Variants in SPINK5 observed in about 807,000 individuals in gnomAD.
The protein encoded by SPINK5 is serine protease inhibitor Kazal-type 5.
A neutral mutation model predicts 151.8 loss-of-function variants in SPINK5; 125 were observed. That is an observed-to-expected ratio of 0.82 (90% CI 0.71 to 0.96). The LOEUF is 0.96. Ranked by LOEUF, SPINK5 falls within the 40% of genes least tolerant of loss-of-function variation. The probability of loss-of-function intolerance (pLI) is 0.00; values close to 1 mark genes in which losing one functional copy is unlikely to be tolerated. For synonymous variants in SPINK5, 374 were observed against 395.3 expected, an observed-to-expected ratio of 0.95 and a Z score of 0.64; for missense variants, 1,194 against 1,291.9, an observed-to-expected ratio of 0.92 and a Z score of 1.16.
intron 30 of SPINK5, among the ~76,000 whole-genome samples, chr5:148,127,866 C>T (rs1561707168): frequency 6.6e-6 from 1 of 151,972 alleles, no homozygotes; most frequent in Non-Finnish European, 1.5e-5. Context: ...CTTCTCTCTT[C>T]CTCTCTCTCG....
At position 148,137,057 on chromosome 5, in the gene SPINK5, A is replaced by G; in HGVS notation, c.*66A>G. The stretch of plus-strand genomic sequence containing the variant: ...CAGTTCTGAATCACCTACCTTCACC[A>G]TCTGTATATACAAAGAATTCTTCGG... On this transcript the variant is annotated 3_prime_UTR_variant, in exon 33 of 33. Coordinates refer to ENST00000256084, the MANE Select transcript of SPINK5 (RefSeq NM_006846.4). 1 of 1,585,704 alleles carries G rather than the reference A, an allele frequency of 6.3e-7. No homozygotes were observed. The highest frequency in any genetic ancestry group is 8.7e-7 in the Non-Finnish European group (1 of 1,154,654).
intron 5 of SPINK5, 97 bp downstream of exon 5, chr5:148,086,629 T>C: frequency 2.0e-6 from 3 of 1,491,230 alleles, no homozygotes; most frequent in Non-Finnish European, 2.7e-6. Flanking sequence ...AACGATTCAT[T>C]ATGTGGGAGT....
intron 6 of SPINK5, among the ~76,000 whole-genome samples, chr5:148,088,834 A>AT (rs1415268606): frequency 6.4e-5 from 5 of 77,958 alleles, no homozygotes; most frequent in Non-Finnish European, 9.3e-5. Flanking sequence ...GCTGCTTTGT[A>AT]TAAAAAAAAA....
In SPINK5 at chr5:148,101,412, A is replaced by C. The variant is rs747446927; in HGVS notation, c.1278A>C (p.Gln426His). The part of the protein sequence containing the change: ...KKEGKSRNKR[Q>H]SKSTASFEEL... ...AAGGTAAATCAAGAAACAAAAGACA[A>C]TCTAAGAGTACAGCTTCCTTTGAGG... Residue 426 changes from glutamine to histidine, a missense_variant, in exon 14 of 33, where the codon CAA becomes CAC. Physicochemically the swap from Gln to His is conservative, Grantham distance 24. Coordinates refer to ENST00000256084, the MANE Select transcript of SPINK5 (RefSeq NM_006846.4). 5.0e-6 allele frequency: 8 copies of C among 1,611,368 alleles called. No individual in the cohort carries two copies. The highest frequency in any genetic ancestry group is 6.8e-6 in the Non-Finnish European group (8 of 1,177,722).
At chr5:148,095,985 A>G in intron 10 of SPINK5, 80 bp downstream of exon 10, 1 of 1,068,268 alleles carries the variant, frequency 9.4e-7, no homozygotes, top group Non-Finnish European at 1.4e-6. Context: ...CATATTACAT[A>G]GTATGCACTT....
At chr5:148,118,381 C>T (rs1191302935) in intron 22 of SPINK5, 56 bp from the exon 23 acceptor site, 3 of 1,610,994 alleles carry the variant, frequency 1.9e-6, no homozygotes, top group Non-Finnish European at 2.5e-6. Flanking sequence ...AAACAATTTA[C>T]TAAGAATACA....
intron 32 of SPINK5, among the ~76,000 whole-genome samples, chr5:148,135,196 GTCT>G (rs1754667044): frequency 6.6e-6 from 1 of 152,114 alleles, no homozygotes; most frequent in African/African-American, 2.4e-5. Flanking sequence ...TGTGTTTGCT[GTCT>G]TATTATATAG....
rs764813956 is a variant in SPINK5 at position 148,088,557 on chromosome 5, A to T, written c.426A>T (p.Gln142His). Residue 142 changes from glutamine to histidine, a missense_variant, in exon 6 of 33, where the codon CAA becomes CAT. Coordinates refer to ENST00000256084, the MANE Select transcript of SPINK5 (RefSeq NM_006846.4). ...LCAENAKTGSQIGVKSEGECK... is the reference protein window; with the variant it reads ...LCAENAKTGSHIGVKSEGECK... ...TTGATTCTAGGAAAACCGGGTCCCA[A>T]ATTGGTGTAAAAAGTGAAGGGGAAT... The T allele has an allele frequency of 1.9e-6, 3 of 1,611,630 alleles. No individual in the cohort carries two copies. Among genetic ancestry groups the T allele is most frequent in the African/African-American group, 2.7e-5 (2 of 74,680 alleles).
At chr5:148,106,234 A>T (rs1294314298) in intron 16 of SPINK5, among the ~76,000 whole-genome samples, 2 of 151,998 alleles carry the variant, frequency 1.3e-5, no homozygotes, top group African/African-American at 2.4e-5. Context: ...TAATTTTTTT[A>T]AATCAATTTA....
rs751575868 is a variant in SPINK5, at chr5:148,072,179, A to G, written c.241A>G (p.Arg81Gly). 3.1e-6 allele frequency: 5 copies of G among 1,612,442 alleles called. No individual in the cohort carries two copies. In the South Asian group the frequency reaches 5.5e-5, roughly 18 times the overall value. Residue 81 changes from arginine (R) to glycine (G), a missense_variant, in exon 4 of 33, where the codon AGG becomes GGG. Transcript: ENST00000256084. ...AGAAGCAAAATCACAGAAGAGGGCC[A>G]GGCATTTAGCAAGAGCTCCCAAGGC... ...EKEAKSQKRA[R>G]HLARAPKATA...
At chr5:148,074,565 A>C (rs2127194831) in intron 4 of SPINK5, among the ~76,000 whole-genome samples, 1 of 151,900 alleles carries the variant, frequency 6.6e-6, no homozygotes, top group Middle Eastern at 3.4e-3. Context: ...TAGTATGGTA[A>C]GTCCCCCTTC....
intron 15 of SPINK5, among the ~76,000 whole-genome samples, chr5:148,104,416 A>C (rs965333213): frequency 6.6e-6 from 1 of 152,216 alleles, no homozygotes; most frequent in African/African-American, 2.4e-5. Context: ...GGGAAGTTAA[A>C]CAGGTTTACT....
At chr5:148,134,451 G>A (rs771235345) in intron 32 of SPINK5, among the ~76,000 whole-genome samples, 1 of 152,156 alleles carries the variant, frequency 6.6e-6, no homozygotes, top group Non-Finnish European at 1.5e-5. Context: ...TTTCAAATAA[G>A]AGAAAAATGT....
chr5:148,123,445 C>CTATATA (rs201986132), intron 26 of SPINK5, among the ~76,000 whole-genome samples: 35 of 130,252 alleles, frequency 2.7e-4, no homozygotes, highest in Non-Finnish European at 4.2e-4. Context: ...ATCTATCTAT[C>CTATATA]TATATATATA....
In SPINK5 at chr5:148,114,344, C is replaced by CT; in HGVS notation, c.1888-14dup. On this transcript the variant is annotated splice_polypyrimidine_tract_variant and intron_variant, in intron 20 of 32. Transcript: ENST00000256084. ...TCCCAGAAGATACTCAAGCTTTCTC[C>CT]TTTTCTTTTCCTTTTAGGAGACATG... 1.9e-6 allele frequency: 3 copies of CT among 1,607,928 alleles called. No homozygotes were observed. Among genetic ancestry groups the CT allele is most frequent in the Non-Finnish European group, 2.5e-6 (3 of 1,177,058 alleles).
At chr5:148,069,608 T>G (rs1752683754) in intron 2 of SPINK5, among the ~76,000 whole-genome samples, 1 of 151,970 alleles carries the variant, frequency 6.6e-6, no homozygotes, top group African/African-American at 2.4e-5. Context: ...GGGATGGTGG[T>G]GGGGGTGGAA....
In SPINK5 at chr5:148,118,885, G is replaced by A. The variant is rs946697685; in HGVS notation, c.2241-101G>A. 5 of 1,237,460 alleles carry A rather than the reference G, an allele frequency of 4.0e-6. No homozygotes were observed. The African/African-American group carries it at 7.5e-5, about 18-fold the overall frequency. The allele number at this position is 1,237,460 out of a possible 1,614,324, so 76.7% of individuals were successfully genotyped here. A position where few individuals can be genotyped will look rare whatever the true frequency, so the allele number is the denominator to read the frequency against. ...TTTGGAATCATTGACCAGCACAGTT[G>A]AAGAAAGCTGACTTCTTGTCATTTG... On this transcript the variant is annotated intron_variant, in intron 23 of 32. Coordinates refer to ENST00000256084, the MANE Select transcript of SPINK5 (RefSeq NM_006846.4).
chr5:148,066,551 G>A (rs1752590899), intron 2 of SPINK5, among the ~76,000 whole-genome samples: 1 of 152,038 alleles, frequency 6.6e-6, no homozygotes, highest in African/African-American at 2.4e-5. Flanking sequence ...TTACATGAGT[G>A]TTCTAGAGAA....
chr5:148,099,757 T>C (rs1376428012), intron 12 of SPINK5, among the ~76,000 whole-genome samples: 3 of 152,098 alleles, frequency 2.0e-5, no homozygotes, highest in African/African-American at 7.2e-5. Context: ...TCATCACCAA[T>C]GGTTTTGATG....
Sources: gnomAD v4.1 joint callset for allele counts (sites outside exome capture counted in the v4.1 genomes callset) on GRCh38, gnomAD v4.1.1 for gene constraint, MANE v1.5 for transcripts, NCBI Gene and HGNC (gene_info 2026-07-23, HGNC 2026-07-21) for gene names.